ZNF529: variants seen among roughly 807,000 people sequenced by gnomAD.
ZNF529 encodes the protein zinc finger protein 529.
A neutral mutation model predicts 10.1 loss-of-function variants in ZNF529; 11 were observed. The ratio of observed to expected loss-of-function variants is 1.09; its 90% CI spans 0.69 to 1.81. The LOEUF (loss-of-function observed/expected upper bound fraction) is 1.81. Ranked by LOEUF, ZNF529 falls within the 40% of genes most tolerant of loss-of-function variation. The probability of loss-of-function intolerance (pLI) is 0.00; values close to 1 mark genes in which losing one functional copy is unlikely to be tolerated. For synonymous variants in ZNF529, 204 were observed against 215.7 expected, an observed-to-expected ratio of 0.95 and a Z score of 0.47; for missense variants, 624 against 666.8, an observed-to-expected ratio of 0.94 and a Z score of 0.71.
rs138996476 is a variant in ZNF529, at chr19:36,605,007, C to A, written c.-128+119G>T. 9.6e-3 allele frequency: 1,467 copies of A among 152,500 alleles called. 22 individuals carry two copies. Among genetic ancestry groups the A allele is most frequent in the Non-Finnish European group, 0.01 (693 of 68,260 alleles). The allele number at this position is 152,500 out of a possible 1,614,324, so 9.4% of individuals were successfully genotyped here. A position where few individuals can be genotyped will look rare whatever the true frequency, so the allele number is the denominator to read the frequency against. Reference sequence around the variant, plus strand: ...ACAATCACACAGTCTCCCTCCCCAGCAGGTGACTTGCACACAGGCCTGGGG... The same window carrying A: ...ACAATCACACAGTCTCCCTCCCCAGAAGGTGACTTGCACACAGGCCTGGGG... On this transcript the variant is annotated intron_variant, in intron 1 of 4. Transcript: ENST00000585960.
Position 36,545,686 on chromosome 19 carries a change from ACT to A in ZNF529, c.*1178_*1179del, listed in dbSNP as rs749463364. ...TGAAATGCCCAAACCTAGTAAGTCA[ACT>A]CTGAGAGGGAATAAAAAGAAAAATA... On this transcript the variant is annotated 3_prime_UTR_variant, in exon 5 of 5. Coordinates refer to ENST00000591340, the MANE Select transcript of ZNF529 (RefSeq NM_020951.5). 1.3e-5 allele frequency: 2 copies of A among 152,034 alleles called. No individual in the cohort carries two copies. The highest frequency in any genetic ancestry group is 2.4e-5 in the African/African-American group (1 of 41,406). The allele number at this position is 152,034 out of a possible 1,614,324, so 9.4% of individuals were successfully genotyped here.
chr19:36,560,404 A>G (rs1446969319), intron 2 of ZNF529, among the ~76,000 whole-genome samples: 1 of 152,228 alleles, frequency 6.6e-6, no homozygotes, highest in Non-Finnish European at 1.5e-5. Flanking sequence ...CATAACATAC[A>G]GAAATGTAAT....
rs767115554 is a variant in ZNF529 at position 36,572,315 on chromosome 19, A to AC, written c.14+17dup. On this transcript the variant is annotated intron_variant, in intron 2 of 4. Transcript: ENST00000591340. The stretch of plus-strand genomic sequence containing the variant: ...GAAAACCAAGGGACCAGGTAAATGA[A>AC]CAAAAAAAAAAACTAACCTTGAGTT... 71 of 1,506,474 alleles carry AC rather than the reference A, an allele frequency of 4.7e-5. No homozygotes were observed. The highest frequency in any genetic ancestry group is 8.0e-6 in the Non-Finnish European group (9 of 1,119,960). 93.3% of individuals were successfully genotyped at this position (1,506,474 alleles called of 1,614,324 possible).
chr19:36,588,876 TC>T (rs2036640585), intron 2 of ZNF529, among the ~76,000 whole-genome samples: 1 of 152,070 alleles, frequency 6.6e-6, no homozygotes, highest in Non-Finnish European at 1.5e-5. Context: ...CATAAGTGTT[TC>T]CCTGAGTTCT....
chr19:36,561,955 G>A (rs907665034), intron 2 of ZNF529, among the ~76,000 whole-genome samples: 3 of 152,186 alleles, frequency 2.0e-5, no homozygotes, highest in African/African-American at 4.8e-5. Context: ...GTCTGTCCTG[G>A]CCGGGTGCAG....
chr19:36,564,082 G>A (rs1314612239), intron 2 of ZNF529, among the ~76,000 whole-genome samples: 5 of 152,076 alleles, frequency 3.3e-5, no homozygotes, highest in Admixed American at 2.6e-4. Flanking sequence ...AACTGCACCC[G>A]TACTTTTCAA....
intron 1 of ZNF529, among the ~76,000 whole-genome samples, chr19:36,599,663 G>T (rs1460082701): frequency 2.6e-5 from 4 of 152,074 alleles, no homozygotes; most frequent in African/African-American, 9.7e-5. Context: ...GTCAACTTAG[G>T]TTACTGAATT....
intron 2 of ZNF529, among the ~76,000 whole-genome samples, chr19:36,562,694 G>A (rs902977951): frequency 2.6e-4 from 39 of 151,930 alleles, no homozygotes; most frequent in Admixed American, 2.0e-4. Flanking sequence ...AAAAATAGCC[G>A]GGCGTGGTGG....
intron 2 of ZNF529, among the ~76,000 whole-genome samples, chr19:36,586,605 C>T (rs1198992995): frequency 6.6e-6 from 1 of 150,434 alleles, no homozygotes; most frequent in Non-Finnish European, 1.5e-5. Flanking sequence ...AGCGAGACTC[C>T]GTCTCAAAAA....
In ZNF529 at chr19:36,547,604, G is replaced by A; in HGVS notation, c.954C>T (p.Asp318=). The part of the protein sequence containing the change: ...KTYKCMECGK[D]FRFHSQLTEH... ...CGGTAAGCTGTGAATGAAATCTGAAGTCCTTGCCACATTCCATACATTTGT... is the reference window on the plus strand; with the variant it reads ...CGGTAAGCTGTGAATGAAATCTGAAATCCTTGCCACATTCCATACATTTGT... The change falls in exon 5 of 5, where the codon GAC becomes GAT. Residue 318 remains aspartate, a synonymous_variant. Coordinates refer to ENST00000591340, the MANE Select transcript of ZNF529 (RefSeq NM_020951.5). 6.2e-7 allele frequency: 1 copy of A among 1,613,786 alleles called. No individual in the cohort carries two copies. The highest frequency in any genetic ancestry group is 8.5e-7 in the Non-Finnish European group (1 of 1,179,766).
chr19:36,572,651 C>G (rs2036169376), intron 1 of ZNF529, among the ~76,000 whole-genome samples: 1 of 152,138 alleles, frequency 6.6e-6, no homozygotes, highest in Non-Finnish European at 1.5e-5. Flanking sequence ...GGGGAGTTAT[C>G]CCAGGAATGA....
Position 36,573,177 on chromosome 19 carries a change from G to A in ZNF529, c.-84C>T, listed in dbSNP as rs1468172402. On this transcript the variant is annotated 5_prime_UTR_variant, in exon 1 of 5. Transcript: ENST00000591340. Reference sequence around the variant, plus strand: ...CAGCTCCCGCGTACAGAGGCCTCAGGCTCCCGGCTCCACGTGGACCGACCT... The same window carrying A: ...CAGCTCCCGCGTACAGAGGCCTCAGACTCCCGGCTCCACGTGGACCGACCT... 3 of 314,902 alleles carry A rather than the reference G, an allele frequency of 9.5e-6. No homozygotes were observed. Among genetic ancestry groups the A allele is most frequent in the Non-Finnish European group, 1.9e-5 (3 of 154,560 alleles). The allele number at this position is 314,902 out of a possible 1,614,324, so 19.5% of individuals were successfully genotyped here. A position where few individuals can be genotyped will look rare whatever the true frequency, so the allele number is the denominator to read the frequency against.
chr19:36,549,039 C>A (rs1298397625), intron 4 of ZNF529, among the ~76,000 whole-genome samples: 1 of 152,176 alleles, frequency 6.6e-6, no homozygotes, highest in Non-Finnish European at 1.5e-5. Context: ...TTCTCCTAAT[C>A]ATTTTTCATC....
chr19:36,563,696 C>T (rs948535701), intron 2 of ZNF529, among the ~76,000 whole-genome samples: 12 of 152,292 alleles, frequency 7.9e-5, no homozygotes, highest in Admixed American at 1.3e-4. Flanking sequence ...AATGGCCATA[C>T]TGCCCAAGGC....
intron 1 of ZNF529, among the ~76,000 whole-genome samples, chr19:36,600,084 G>A (rs778321936): frequency 1.3e-5 from 2 of 151,880 alleles, no homozygotes; most frequent in Admixed American, 6.6e-5. Flanking sequence ...GGTCAGGCTA[G>A]TCTCGAACTC....
At chr19:36,590,627 C>T (rs2036684955) in intron 1 of ZNF529, among the ~76,000 whole-genome samples, 1 of 151,944 alleles carries the variant, frequency 6.6e-6, no homozygotes, top group Non-Finnish European at 1.5e-5. Flanking sequence ...TCTGAAAAAT[C>T]AACAAAATTG....
chr19:36,597,763 A>G (rs1474512394), intron 1 of ZNF529, among the ~76,000 whole-genome samples: 2 of 152,218 alleles, frequency 1.3e-5, no homozygotes, highest in Non-Finnish European at 2.9e-5. Context: ...AAAGGAAGGA[A>G]CAGGTACCTG....
intron 2 of ZNF529, among the ~76,000 whole-genome samples, chr19:36,558,936 C>CA (rs60265238): frequency 0.5 from 72,684 of 146,698 alleles, 18,308 homozygotes; most frequent in African/African-American, 0.62. Context: ...AACTCAATAG[C>CA]AAAAAAAAAA....
intron 4 of ZNF529, among the ~76,000 whole-genome samples, chr19:36,550,007 C>T (rs1199000171): frequency 1.3e-5 from 2 of 152,252 alleles, no homozygotes; most frequent in African/African-American, 4.8e-5. Context: ...GATTGGAAGG[C>T]ACTTTGTAGC....
Sources: allele counts gnomAD v4.1 joint callset (sites outside exome capture counted in the v4.1 genomes callset), GRCh38; gene constraint gnomAD v4.1.1; transcripts MANE v1.5; gene names NCBI Gene and HGNC (gene_info 2026-07-23, HGNC 2026-07-21).